The following AGRN variants were observed in gnomAD, a reference collection of about 807,000 sequenced individuals.
The protein encoded by AGRN is agrin, also known as agrin proteoglycan.
Under a neutral mutation model 211.0 loss-of-function variants are expected in AGRN, and 106 were observed. The observed-to-expected ratio is 0.50, with a 90% CI of 0.43 to 0.59. The LOEUF (loss-of-function observed/expected upper bound fraction) is 0.59, where lower values mean the gene tolerates loss of function less well. Ranked by LOEUF, AGRN falls within the 20% of genes least tolerant of loss-of-function variation. The pLI, the probability that AGRN is intolerant of heterozygous loss-of-function variation, is 0.00. For missense variants in AGRN, 3,040 were observed against 2,982.6 expected (o/e 1.02, Z -0.45); for synonymous variants, 1,525 against 1,332.5 (o/e 1.14, Z -3.15).
At position 1,047,579 on chromosome 1, in the gene AGRN, G is replaced by C; in HGVS notation, c.3523G>C (p.Asp1175His). 1 of 1,612,914 alleles carries C rather than the reference G, an allele frequency of 6.2e-7. No homozygotes were observed. Residue 1175 changes from aspartate to histidine, a missense_variant, in exon 21 of 36, where the codon GAC becomes CAC. By Grantham distance (81) the Asp-to-His change is moderately conservative. Around this residue, in one of 3 missense-constraint regions of AGRN, gnomAD observed 1,537 missense variants for 1,505.0 expected, o/e 1.02. Coordinates refer to ENST00000379370, the MANE Select transcript of AGRN (RefSeq NM_198576.4). ...TGCCTACTCCCTGCCACAGCTGGAC[G>C]ACCTCTTCCGGAATTCAGACGTCAA... is the stretch of plus-strand genomic sequence containing the variant. ...TARSIESTLDDLFRNSDVKKD... is the reference protein window; with the variant it reads ...TARSIESTLDHLFRNSDVKKD...
intron 3 of AGRN, among the ~76,000 whole-genome samples, chr1:1,038,940 C>A (rs1194945930): frequency 6.6e-6 from 1 of 152,172 alleles, no homozygotes; most frequent in Non-Finnish European, 1.5e-5. Context: ...GGGGGAAGGC[C>A]AGTGGTGATG....
chr1:1,041,464 C>T lies in AGRN; in HGVS notation c.953-14C>T, dbSNP rs1164533567. ...CGCGGCGACAGCGTCCTGACTCCTG[C>T]CCTCGACCCCCAGACCCCTGTCAGG... On this transcript the variant is annotated splice_polypyrimidine_tract_variant and intron_variant, in intron 5 of 35. Coordinates refer to ENST00000379370, the MANE Select transcript of AGRN (RefSeq NM_198576.4). 1.3e-5 allele frequency: 21 copies of T among 1,582,168 alleles called. No individual in the cohort carries two copies. The highest frequency in any genetic ancestry group is 2.3e-5 in the East Asian group (1 of 43,770).
At position 1,050,831 on chromosome 1, in the gene AGRN, G is replaced by A. The variant is rs367587156; in HGVS notation, c.5247G>A (p.Glu1749=). ...RVGDGPRVLG[E]SPVPHTVLNL... is the part of the protein sequence containing the mutation. ...GCGACGGCCCCCGTGTGTTGGGGGAGTCCCCGGTGAGTGCTCTGGGCCGCG... is the reference window on the plus strand; with the variant it reads ...GCGACGGCCCCCGTGTGTTGGGGGAATCCCCGGTGAGTGCTCTGGGCCGCG... Residue 1749 remains glutamate, a synonymous_variant, in exon 30 of 36, where the codon GAG becomes GAA. Coordinates refer to ENST00000379370, the MANE Select transcript of AGRN (RefSeq NM_198576.4). The A allele has an allele frequency of 2.4e-5, 38 of 1,575,454 alleles. No homozygotes were observed. The African/African-American group carries it at 4.4e-4, about 18-fold the overall frequency.
chr1:1,052,050 A>G, intron 33 of AGRN: 1 of 1,492,742 alleles, frequency 6.7e-7, no homozygotes, highest in Non-Finnish European at 9.0e-7. Context: ...GCTCCCTCTC[A>G]CTCCCACTCC....
rs376068125 is a variant in AGRN, at chr1:1,040,137, C to T, written c.512-528C>T. Among the ~76,000 whole-genome samples the T allele has an allele frequency of 4.0e-3, 602 of 152,296 alleles. 7 individuals carry two copies. The highest frequency in any genetic ancestry group is 0.014 in the African/African-American group (580 of 41,566). The stretch of plus-strand genomic sequence containing the variant: ...CCAGACGCGGGACCTGGGTGCGACC[C>T]GGGCGGGAGGCGGCAGGGCTCAGCT... On this transcript the variant is annotated intron_variant, in intron 3 of 35. Transcript: ENST00000379370.
chr1:1,054,558 GT>G lies in AGRN; in HGVS notation c.5980+11del, dbSNP rs1645400602. On this transcript the variant is annotated splice_region_variant and intron_variant, in intron 35 of 35. Coordinates refer to ENST00000379370, the MANE Select transcript of AGRN (RefSeq NM_198576.4). ...GATGGAGCCCTGTGGCTTGGTGAGT[GT>G]TTTGGGGAGACTAGAGAGGGATGCC... 1.6e-5 allele frequency: 25 copies of G among 1,582,174 alleles called. No homozygotes were observed. Among genetic ancestry groups the G allele is most frequent in the Non-Finnish European group, 2.1e-5 (25 of 1,165,472 alleles).
chr1:1,039,767 A>G (rs1268081502), intron 3 of AGRN, among the ~76,000 whole-genome samples: 3 of 150,044 alleles, frequency 2.0e-5, no homozygotes, highest in African/African-American at 4.9e-5. Context: ...TTTGACAGAG[A>G]GTGAGGGCGA....
In AGRN at chr1:1,051,820, C is replaced by G. The variant is rs9803031; in HGVS notation, c.5651+5C>G. On this transcript the variant is annotated splice_donor_5th_base_variant and intron_variant, in intron 33 of 35. Transcript: ENST00000379370. ...CCTCAACGCTGTGACCGAGAGGTAA[C>G]GTGCCATCCTCTGCTGGCTGTCGGT... 1 of 1,613,414 alleles carries G rather than the reference C, an allele frequency of 6.2e-7. No homozygotes were observed. The highest frequency in any genetic ancestry group is 8.5e-7 in the Non-Finnish European group (1 of 1,179,912).
At chr1:1,027,577 G>C (rs546692829) in intron 2 of AGRN, among the ~76,000 whole-genome samples, 7 of 152,240 alleles carry the variant, frequency 4.6e-5, no homozygotes, top group Non-Finnish European at 1.0e-4. Flanking sequence ...TGCAGGTGCT[G>C]CCTCTGAGAT....
chr1:1,042,209 T>A (rs1428639348), intron 7 of AGRN, 47 bp downstream of exon 7: 1 of 1,553,546 alleles, frequency 6.4e-7, no homozygotes, highest in Non-Finnish European at 8.7e-7. Context: ...TGCTCCTGCG[T>A]CAGTCCCTGC....
At position 1,031,571 on chromosome 1, in the gene AGRN, G is replaced by A. The variant is rs1237897253; in HGVS notation, c.464-3706G>A. On this transcript the variant is annotated intron_variant, in intron 2 of 35. Transcript: ENST00000379370. The surrounding 1 kb of genome is among the most constrained non-coding windows in gnomAD (Gnocchi z 4.8). ...GCCTGGTTCCCCTTCCCCTGGCCCA[G>A]CCCAAGGGGCCCTAAGCCTCATTCC... 6.6e-6 allele frequency among the ~76,000 whole-genome samples: 1 copy of A among 152,154 alleles called. No individual in the cohort carries two copies. The highest frequency in any genetic ancestry group is 2.4e-5 in the African/African-American group (1 of 41,430).
intron 4 of AGRN, 33 bp downstream of exon 4, chr1:1,040,913 G>A (rs1644913478): frequency 4.3e-6 from 6 of 1,400,050 alleles, no homozygotes; most frequent in Non-Finnish European, 5.5e-6. Flanking sequence ...CTGGGGCGGG[G>A]AGGGGCGGGG....
At position 1,051,441 on chromosome 1, in the gene AGRN, C is replaced by A. The variant is rs1379399688; in HGVS notation, c.5371-12C>A. ...GTGGCAGGCGGGACAAGGCCCTCAC[C>A]CTGCCCTGCAGGTCTCCCTCGGAGG... On this transcript the variant is annotated splice_polypyrimidine_tract_variant and intron_variant, in intron 31 of 35. Coordinates refer to ENST00000379370, the MANE Select transcript of AGRN (RefSeq NM_198576.4). 3.9e-6 allele frequency: 6 copies of A among 1,549,314 alleles called. No homozygotes were observed. The highest frequency in any genetic ancestry group is 1.2e-5 in the South Asian group (1 of 85,220).
At chr1:1,028,060 T>G (rs1423897945) in intron 2 of AGRN, among the ~76,000 whole-genome samples, 3 of 152,020 alleles carry the variant, frequency 2.0e-5, no homozygotes, top group Non-Finnish European at 4.4e-5. Context: ...TTCACTGATT[T>G]CATCATCAGT....
Position 1,022,281 on chromosome 1 carries a change from C to T in AGRN, c.282C>T (p.Ile94=). Residue 94 remains isoleucine, a synonymous_variant, in exon 2 of 36, where the codon ATC becomes ATT. Transcript: ENST00000379370. ...SLLDGGNKVV[I]SGFGDPLICD... ...TGGACGGCGGCAACAAGGTGGTGAT[C>T]AGCGGCTTTGGAGACCCCCTCATCT... 6.2e-7 allele frequency: 1 copy of T among 1,613,292 alleles called. No homozygotes were observed. Among genetic ancestry groups the T allele is most frequent in the Non-Finnish European group, 8.5e-7 (1 of 1,180,008 alleles).
intron 2 of AGRN, among the ~76,000 whole-genome samples, chr1:1,026,871 C>T (rs1050959979): frequency 7.2e-5 from 11 of 152,352 alleles, no homozygotes; most frequent in Admixed American, 2.6e-4. Context: ...TGTACCCCTG[C>T]ACCTCCTGCC....
intron 2 of AGRN, among the ~76,000 whole-genome samples, chr1:1,030,805 A>T: frequency 7.8e-6 from 1 of 128,750 alleles, no homozygotes. Context: ...TGGTGCTGTG[A>T]GATCAGCATG....
At chr1:1,054,377 C>A in intron 34 of AGRN, 71 bp from the exon 35 acceptor site, 1 of 1,362,186 alleles carries the variant, frequency 7.3e-7, no homozygotes, top group Non-Finnish European at 1.0e-6. Flanking sequence ...AGGAAGGATG[C>A]AGGGCTTATG....
chr1:1,049,189 G>T, intron 24 of AGRN, 47 bp from the exon 25 acceptor site: 1 of 1,485,834 alleles, frequency 6.7e-7, no homozygotes, highest in Non-Finnish European at 8.9e-7. Flanking sequence ...TAGGCGGGGT[G>T]GGGACGGGGC....
Sources: gnomAD v4.1 joint callset for allele counts (sites outside exome capture counted in the v4.1 genomes callset) on GRCh38, gnomAD v4.1.1 for gene constraint, gnomAD v4.1.1 regional missense constraint, Gnocchi (gnomAD v3.1) non-coding constraint, MANE v1.5 for transcripts, NCBI Gene and HGNC (gene_info 2026-07-23, HGNC 2026-07-21) for gene names.